ZMAT4: variants seen among roughly 807,000 people sequenced by gnomAD.
ZMAT4 encodes zinc finger matrin-type 4.
In ZMAT4, 17 loss-of-function variants were observed where a neutral mutation model predicts 28.7. The observed-to-expected ratio is 0.59, with a 90% confidence interval of 0.41 to 0.89. ZMAT4 has a LOEUF of 0.89. ZMAT4 is among the 40% of genes least tolerant of loss of function. The pLI is 0.00. For synonymous variants in ZMAT4, 117 were observed against 109.2 expected (o/e 1.07, Z -0.44); for missense variants, 240 against 283.8 (o/e 0.85, Z 1.11).
intron 3 of ZMAT4, among the ~76,000 whole-genome samples, chr8:40,738,981 G>C (rs1435614939): frequency 6.6e-6 from 1 of 152,184 alleles, no homozygotes; most frequent in East Asian, 1.9e-4. Context: ...TTGTATGTTA[G>C]ATTTTCCCTC....
chr8:40,578,329 C>G (rs1402008146), intron 6 of ZMAT4, among the ~76,000 whole-genome samples: 1 of 152,004 alleles, frequency 6.6e-6, no homozygotes, highest in African/African-American at 2.4e-5. Flanking sequence ...GAAACTCAAT[C>G]TCTCCCTCAC....
At chr8:40,538,010 G>T (rs1284674181) in intron 6 of ZMAT4, among the ~76,000 whole-genome samples, 3 of 152,184 alleles carry the variant, frequency 2.0e-5, no homozygotes, top group Non-Finnish European at 4.4e-5. Flanking sequence ...ATAACCATTA[G>T]AATGGACTTC....
intron 6 of ZMAT4, among the ~76,000 whole-genome samples, chr8:40,553,482 T>C (rs1803428680): frequency 6.6e-6 from 1 of 152,072 alleles, no homozygotes; most frequent in African/African-American, 2.4e-5. Context: ...GACCTAAAAA[T>C]GCCAAAAAAA....
At chr8:40,723,983 C>T (rs1442264146) in intron 3 of ZMAT4, among the ~76,000 whole-genome samples, 1 of 152,208 alleles carries the variant, frequency 6.6e-6, no homozygotes. Flanking sequence ...TCCTGGTACA[C>T]ATCCCTTCAC....
At chr8:40,756,426 TTATATATATATATATA>T (rs72008675) in intron 3 of ZMAT4, among the ~76,000 whole-genome samples, 2 of 73,276 alleles carry the variant, frequency 2.7e-5, no homozygotes, top group Admixed American at 1.8e-4. Context: ...AAATGTTCTT[TTATATATATATATATA>T]TATATATATA....
At chr8:40,605,917 T>A (rs1805563634) in intron 5 of ZMAT4, among the ~76,000 whole-genome samples, 1 of 152,244 alleles carries the variant, frequency 6.6e-6, no homozygotes, top group South Asian at 2.1e-4. Context: ...ACTTTTATCA[T>A]TATACAATGT....
intron 6 of ZMAT4, among the ~76,000 whole-genome samples, chr8:40,533,123 C>T (rs1169031311): frequency 3.3e-5 from 5 of 152,256 alleles, no homozygotes; most frequent in East Asian, 3.9e-4. Context: ...ATGCCTACTA[C>T]GAGTCATGAA....
chr8:40,635,428 T>C (rs1806755812), intron 5 of ZMAT4, among the ~76,000 whole-genome samples: 1 of 152,100 alleles, frequency 6.6e-6, no homozygotes. Flanking sequence ...CACCTCAAAG[T>C]GCTGTCACTT....
chr8:40,767,738 G>C lies in ZMAT4; in HGVS notation c.103-8C>G. The C allele has an allele frequency of 6.2e-7, 1 of 1,609,652 alleles. No individual in the cohort carries two copies. The highest frequency in any genetic ancestry group is 8.5e-7 in the Non-Finnish European group (1 of 1,178,304). On this transcript the variant is annotated splice_polypyrimidine_tract_variant and splice_region_variant and intron_variant, in intron 2 of 6. Coordinates refer to ENST00000297737, the MANE Select transcript of ZMAT4 (RefSeq NM_024645.3). ...GCTTGCATGTTTTCGACTCTGGGAAGGAAAAGCATAAGCAGATACTGTAAA... is the reference window on the plus strand; with the variant it reads ...GCTTGCATGTTTTCGACTCTGGGAACGAAAAGCATAAGCAGATACTGTAAA...
chr8:40,846,721 G>A (rs1816913400), intron 1 of ZMAT4, among the ~76,000 whole-genome samples: 2 of 152,140 alleles, frequency 1.3e-5, no homozygotes, highest in African/African-American at 2.4e-5. Flanking sequence ...GACTTGGCAG[G>A]GCAGACCCGC....
At chr8:40,840,307 C>A (rs1816656218) in intron 1 of ZMAT4, among the ~76,000 whole-genome samples, 1 of 152,166 alleles carries the variant, frequency 6.6e-6, no homozygotes, top group Admixed American at 6.5e-5. Context: ...ACAACATGGA[C>A]CAACCCTGAT....
intron 5 of ZMAT4, among the ~76,000 whole-genome samples, chr8:40,583,729 A>G (rs1804570555): frequency 6.6e-6 from 1 of 152,176 alleles, no homozygotes; most frequent in Non-Finnish European, 1.5e-5. Flanking sequence ...CGAGGCATCA[A>G]TCAATATGTG....
At position 40,754,381 on chromosome 8, in the gene ZMAT4, T is replaced by G. The variant is rs542809680; in HGVS notation, c.192+13260A>C. The stretch of plus-strand genomic sequence containing the variant: ...CAATGAATCCTTCTTTCCTCTCCTC[T>G]GTATCAGATTCTAGGCATAAGTTAT... On this transcript the variant is annotated intron_variant, in intron 3 of 6. Transcript: ENST00000297737. Among the ~76,000 whole-genome samples the G allele has an allele frequency of 1.7e-4, 26 of 152,248 alleles. No individual in the cohort carries two copies. The South Asian group carries it at 3.3e-3, about 19-fold the overall frequency.
In ZMAT4 at chr8:40,787,887, T is replaced by G. The variant is rs569406619; in HGVS notation, c.103-20157A>C. On this transcript the variant is annotated intron_variant, in intron 2 of 6. Transcript: ENST00000297737. The stretch of plus-strand genomic sequence containing the variant: ...TTTCTAGAATTTTCCTTGTAATGTT[T>G]TCAGACCATGGTTGGCTGAGGGTAA... Among the ~76,000 whole-genome samples, 4 of 152,312 alleles carry G rather than the reference T, an allele frequency of 2.6e-5. No homozygotes were observed. The East Asian group carries it at 7.7e-4, about 29-fold the overall frequency.
chr8:40,847,538 G>C (rs993250759), intron 1 of ZMAT4, among the ~76,000 whole-genome samples: 1 of 152,158 alleles, frequency 6.6e-6, no homozygotes, highest in Non-Finnish European at 1.5e-5. Context: ...AGGGGAGGAC[G>C]TGGGAAGGCA....
chr8:40,765,168 C>T (rs998174981), intron 3 of ZMAT4, among the ~76,000 whole-genome samples: 4 of 152,146 alleles, frequency 2.6e-5, no homozygotes, highest in African/African-American at 9.7e-5. Flanking sequence ...CCGGACCCAG[C>T]AATGGCTTCA....
intron 1 of ZMAT4, among the ~76,000 whole-genome samples, chr8:40,863,274 C>A (rs1325530131): frequency 6.6e-6 from 1 of 150,638 alleles, no homozygotes. Context: ...GGAAAATGCT[C>A]AGAAAGGAGA....
At chr8:40,827,562 T>C (rs1816111824) in intron 1 of ZMAT4, among the ~76,000 whole-genome samples, 1 of 152,258 alleles carries the variant, frequency 6.6e-6, no homozygotes, top group Non-Finnish European at 1.5e-5. Context: ...GCCCTGGCTC[T>C]AGTGGCTCAT....
At chr8:40,748,333 T>C (rs1812324045) in intron 3 of ZMAT4, among the ~76,000 whole-genome samples, 1 of 152,222 alleles carries the variant, frequency 6.6e-6, no homozygotes, top group South Asian at 2.1e-4. Context: ...CAGTCACATA[T>C]GCTGCTGTAG....
Sources: allele counts gnomAD v4.1 joint callset (sites outside exome capture counted in the v4.1 genomes callset), GRCh38; gene constraint gnomAD v4.1.1; transcripts MANE v1.5; gene names NCBI Gene and HGNC (gene_info 2026-07-23, HGNC 2026-07-21).